Variants in GPR89B observed in about 807,000 individuals in gnomAD.
GPR89B encodes the protein G protein-coupled receptor 89B.
In GPR89B, 25 loss-of-function variants were observed where a neutral mutation model predicts 52.4. That is an observed-to-expected ratio of 0.48 (90% CI 0.35 to 0.67). The LOEUF (loss-of-function observed/expected upper bound fraction) is 0.67, where lower values mean the gene tolerates loss of function less well. Ranked by LOEUF, GPR89B falls within the 30% of genes least tolerant of loss-of-function variation. The probability of loss-of-function intolerance (pLI) is 0.01; values close to 1 mark genes in which losing one functional copy is unlikely to be tolerated. For missense variants in GPR89B, 146 were observed against 450.2 expected (o/e 0.32, Z 6.11); for synonymous variants, 52 against 151.2 (o/e 0.34, Z 4.81).
the GPR89B span, among the ~76,000 whole-genome samples, chr1:148,002,619 C>G: frequency 1.3e-5 from 2 of 152,102 alleles, no homozygotes; most frequent in Non-Finnish European, 2.9e-5. Context: ...GCAAAGCCCC[C>G]AAGACATTAT....
intron 2 of GPR89B, among the ~76,000 whole-genome samples, chr1:147,937,278 T>G (rs6681135): frequency 3.3e-5 from 5 of 150,868 alleles, no homozygotes; most frequent in African/African-American, 4.9e-5. Context: ...AGGGAGTGTA[T>G]GAATAGGGAG....
At chr1:148,019,177 A>G in the GPR89B span, among the ~76,000 whole-genome samples, 1 of 150,886 alleles carries the variant, frequency 6.6e-6, no homozygotes, top group Non-Finnish European at 1.5e-5. Flanking sequence ...GGGTTTCACC[A>G]TATTGGCCAG....
At chr1:148,012,397 T>C in the GPR89B span, among the ~76,000 whole-genome samples, 2 of 151,898 alleles carry the variant, frequency 1.3e-5, no homozygotes, top group Admixed American at 1.3e-4. Flanking sequence ...CTTTTACTGT[T>C]TGCTGAAGAA....
At chr1:147,958,508 G>A (rs1460096580) in intron 7 of GPR89B, among the ~76,000 whole-genome samples, 11 of 86,710 alleles carry the variant, frequency 1.3e-4, no homozygotes, top group African/African-American at 6.3e-4. Flanking sequence ...GCATAGTGGT[G>A]CATGCCTGTA....
chr1:148,004,181 G>A, the GPR89B span, among the ~76,000 whole-genome samples: 1 of 147,648 alleles, frequency 6.8e-6, no homozygotes, highest in African/African-American at 2.5e-5. Flanking sequence ...TTTTGAGATG[G>A]AGTGTCACTC....
chr1:147,980,944 T>A (rs1227273365), intron 10 of GPR89B, among the ~76,000 whole-genome samples: 7 of 150,938 alleles, frequency 4.6e-5, no homozygotes, highest in African/African-American at 1.7e-4. Flanking sequence ...CTCTGTAGAT[T>A]TCCCTATTCT....
At chr1:147,958,855 A>G (rs2784415) in intron 7 of GPR89B, among the ~76,000 whole-genome samples, 24 of 152,080 alleles carry the variant, frequency 1.6e-4, no homozygotes, top group Admixed American at 1.4e-3. Flanking sequence ...GCCTCCCAGC[A>G]TGACCCCATT....
chr1:147,947,323 G>A (rs1327420976), intron 5 of GPR89B, among the ~76,000 whole-genome samples: 1 of 147,418 alleles, frequency 6.8e-6, no homozygotes, highest in Non-Finnish European at 1.5e-5. Context: ...GGGCGACAGA[G>A]CGAGACTCTC....
chr1:147,974,928 T>C (rs1337429796), intron 10 of GPR89B, among the ~76,000 whole-genome samples: 4 of 151,110 alleles, frequency 2.6e-5, no homozygotes, highest in Non-Finnish European at 5.9e-5. Context: ...ATTGAGATAA[T>C]CATGTGGTTT....
chr1:147,936,527 T>C (rs1258179105), intron 1 of GPR89B, 100 bp from the exon 2 acceptor site: 3 of 742,596 alleles, frequency 4.0e-6, no homozygotes, highest in East Asian at 4.9e-5. Flanking sequence ...CTGAAATAAG[T>C]TAACCGTCTA....
At position 147,928,608 on chromosome 1, in the gene GPR89B, G is replaced by T. The variant is rs1454876088; in HGVS notation, c.42+30G>T. On this transcript the variant is annotated intron_variant, in intron 1 of 13. Coordinates refer to ENST00000314163, the MANE Select transcript of GPR89B (RefSeq NM_016334.5). ...GTCACCGCCTCCCGCCCCGACACCC[G>T]TCCGCCTCCCTTCACCGAATCGCCC... 3.7e-6 allele frequency: 6 copies of T among 1,613,444 alleles called. No homozygotes were observed. In the Admixed American group the frequency reaches 8.3e-5, roughly 22 times the overall value.
At chr1:148,012,987 C>T in the GPR89B span, among the ~76,000 whole-genome samples, 2 of 151,952 alleles carry the variant, frequency 1.3e-5, no homozygotes, top group African/African-American at 4.9e-5. Context: ...TGACTATATT[C>T]GGACAATGAA....
intron 10 of GPR89B, among the ~76,000 whole-genome samples, chr1:147,983,417 A>C (rs1429620524): frequency 6.6e-6 from 1 of 152,114 alleles, no homozygotes; most frequent in Non-Finnish European, 1.5e-5. Flanking sequence ...AAATTTTTGC[A>C]ACCTACTCAT....
intron 10 of GPR89B, among the ~76,000 whole-genome samples, chr1:147,971,099 C>G (rs1657427372): frequency 6.6e-6 from 1 of 151,354 alleles, no homozygotes; most frequent in Non-Finnish European, 1.5e-5. Flanking sequence ...ATAGTATGTT[C>G]AGTTAGCAAA....
At chr1:148,008,575 G>A in the GPR89B span, among the ~76,000 whole-genome samples, 1 of 152,194 alleles carries the variant, frequency 6.6e-6, no homozygotes, top group Non-Finnish European at 1.5e-5. Flanking sequence ...GGCAGAGGCA[G>A]TGTTCAAGAA....
At chr1:148,012,928 TAGC>T in the GPR89B span, among the ~76,000 whole-genome samples, 83 of 152,132 alleles carry the variant, frequency 5.5e-4, 1 homozygote, top group African/African-American at 1.9e-3. Context: ...TATTGTAAAA[TAGC>T]AGAACGAATT....
intron 7 of GPR89B, among the ~76,000 whole-genome samples, chr1:147,958,399 G>A (rs1186939348): frequency 3.3e-5 from 5 of 150,786 alleles, no homozygotes; most frequent in African/African-American, 1.2e-4. Flanking sequence ...ACTCATGCCT[G>A]TAACCCTAAC....
chr1:147,976,906 C>A (rs1657867924), intron 10 of GPR89B, among the ~76,000 whole-genome samples: 1 of 151,622 alleles, frequency 6.6e-6, no homozygotes, highest in Non-Finnish European at 1.5e-5. Context: ...CTTAGTTTGG[C>A]CAGATAGGAA....
chr1:147,937,682 C>T (rs1399402579), intron 2 of GPR89B, among the ~76,000 whole-genome samples: 1 of 152,006 alleles, frequency 6.6e-6, no homozygotes, highest in Non-Finnish European at 1.5e-5. Context: ...TCTATTCTGC[C>T]CAACCCTGCA....
Sources: gnomAD v4.1 joint callset for allele counts (sites outside exome capture counted in the v4.1 genomes callset) on GRCh38, gnomAD v4.1.1 for gene constraint, MANE v1.5 for transcripts, NCBI Gene and HGNC (gene_info 2026-07-23, HGNC 2026-07-21) for gene names.